The following TRPM7 variants were observed in gnomAD, a reference collection of about 807,000 sequenced individuals.
TRPM7 encodes LTRPC ion channel family member 7.
In TRPM7, 134 loss-of-function variants were observed where a neutral mutation model predicts 229.7. The ratio of observed to expected loss-of-function variants is 0.58; its 90% CI spans 0.51 to 0.67. TRPM7 has a LOEUF of 0.67. TRPM7 is among the 30% of genes least tolerant of loss of function. The probability of loss-of-function intolerance (pLI) is 0.00; values close to 1 mark genes in which losing one functional copy is unlikely to be tolerated. For missense variants in TRPM7, 1,901 were observed against 2,210.0 expected (o/e 0.86, Z 2.80); for synonymous variants, 699 against 715.2 (o/e 0.98, Z 0.36).
At position 50,678,635 on chromosome 15, in the gene TRPM7, G is replaced by C. The variant is rs901681786; in HGVS notation, c.3+7896C>G. Among the ~76,000 whole-genome samples, 3 of 150,420 alleles carry C rather than the reference G, an allele frequency of 2.0e-5. No individual in the cohort carries two copies. In the East Asian group the frequency reaches 5.9e-4, roughly 29 times the overall value. ...CAACTACTCAACTAATTAATAATTA[G>C]ATATTACTGACATTTTAGATACGAA... On this transcript the variant is annotated intron_variant, in intron 1 of 38. Transcript: ENST00000646667.
chr15:50,656,501 T>C (rs1292302515), intron 3 of TRPM7, among the ~76,000 whole-genome samples: 1 of 112,736 alleles, frequency 8.9e-6, no homozygotes, highest in Non-Finnish European at 2.1e-5. Flanking sequence ...GTGGTTTTCT[T>C]TTTTTTTTTT....
chr15:50,611,031 C>T, intron 17 of TRPM7, 62 bp downstream of exon 17: 1 of 1,337,982 alleles, frequency 7.5e-7, no homozygotes, highest in Non-Finnish European at 1.1e-6. Flanking sequence ...CACATTTAGA[C>T]TAATTCTTCT....
At chr15:50,570,178 GAC>G (rs2053805950) in intron 36 of TRPM7, 23 bp from the exon 37 acceptor site, 33 of 1,521,270 alleles carry the variant, frequency 2.2e-5, no homozygotes, top group Non-Finnish European at 3.0e-5. Context: ...ATATAAAAAA[GAC>G]AAATAATTTA....
rs887430334 is a variant in TRPM7 at position 50,604,991 on chromosome 15, T to G, written c.2863A>C (p.Asn955His). 5 of 1,613,818 alleles carry G rather than the reference T, an allele frequency of 3.1e-6. No homozygotes were observed. The East Asian group carries it at 1.1e-4, about 36-fold the overall frequency. Residue 955 changes from asparagine (N) to histidine (H), a missense_variant, in exon 21 of 39, where the codon AAT (asparagine) becomes CAT (histidine). Physicochemically the swap from Asn to His is moderately conservative, Grantham distance 68. Coordinates refer to ENST00000646667, the MANE Select transcript of TRPM7 (RefSeq NM_017672.6). ...AATCTTCCAGCCACAAAAACATGATTATCATATGCATTTGCAAAGTTCCAT... is the reference window on the plus strand; with the variant it reads ...AATCTTCCAGCCACAAAAACATGATGATCATATGCATTTGCAAAGTTCCAT... The part of the protein sequence containing the change: ...AKWNFANAYD[N>H]HVFVAGRLIY...
intron 2 of TRPM7, among the ~76,000 whole-genome samples, chr15:50,658,075 G>A (rs1422517771): frequency 6.7e-6 from 1 of 148,816 alleles, no homozygotes; most frequent in Non-Finnish European, 1.5e-5. Context: ...CGCAATCTCA[G>A]CTCACTGCAA....
rs968355607 is a variant in TRPM7 at position 50,673,514 on chromosome 15, T to C, written c.4-10468A>G. 1.8e-4 allele frequency among the ~76,000 whole-genome samples: 27 copies of C among 152,168 alleles called. 1 individual carries two copies. The highest frequency in any genetic ancestry group is 1.3e-4 in the Admixed American group (2 of 15,262). On this transcript the variant is annotated intron_variant, in intron 1 of 38. Coordinates refer to ENST00000646667, the MANE Select transcript of TRPM7 (RefSeq NM_017672.6). ...CAGCTCCCACTTATGAGTGGGAACA[T>C]ATGATGTTTGGTTTTCCATTCCTGA...
intron 5 of TRPM7, among the ~76,000 whole-genome samples, chr15:50,641,046 T>C (rs1249679167): frequency 1.3e-5 from 2 of 152,232 alleles, no homozygotes; most frequent in Non-Finnish European, 2.9e-5. Flanking sequence ...ATCTCCATAA[T>C]GCATCACATC....
chr15:50,625,034 C>T (rs2060515941), intron 11 of TRPM7, among the ~76,000 whole-genome samples: 1 of 150,512 alleles, frequency 6.6e-6, no homozygotes, highest in South Asian at 2.1e-4. Context: ...TTGTAGCTGT[C>T]CTTTATATAT....
intron 4 of TRPM7, among the ~76,000 whole-genome samples, chr15:50,645,086 G>A (rs1223809311): frequency 1.3e-5 from 2 of 151,930 alleles, no homozygotes; most frequent in Non-Finnish European, 2.9e-5. Context: ...AATATTTTTT[G>A]TAGACACAAG....
rs764743986 is a variant in TRPM7 at position 50,612,727 on chromosome 15, G to C, written c.1873C>G (p.Leu625Val). 2 of 1,614,142 alleles carry C rather than the reference G, an allele frequency of 1.2e-6. No individual in the cohort carries two copies. The highest frequency in any genetic ancestry group is 1.7e-6 in the Non-Finnish European group (2 of 1,180,014). Reference protein sequence around the residue: ...TKRFPYPLNELLIWACLMKRQ... With the variant: ...TKRFPYPLNEVLIWACLMKRQ... Reference sequence around the variant, plus strand: ...TTCATAAGGCAAGCCCAAATTAAAAGTTCATTAAGTGGATAAGGAAAGCGC... The same window carrying C: ...TTCATAAGGCAAGCCCAAATTAAAACTTCATTAAGTGGATAAGGAAAGCGC... The change falls in exon 16 of 39, where the codon CTT (leucine) becomes GTT (valine). Residue 625 changes from leucine to valine, a missense_variant. Transcript: ENST00000646667.
chr15:50,622,058 G>C (rs1040367204), intron 12 of TRPM7, among the ~76,000 whole-genome samples: 3 of 151,848 alleles, frequency 2.0e-5, no homozygotes, highest in African/African-American at 4.8e-5. Context: ...CAAAAAAAAA[G>C]TATCAGGCAG....
At chr15:50,608,930 C>T (rs1054311655) in intron 19 of TRPM7, among the ~76,000 whole-genome samples, 3 of 152,176 alleles carry the variant, frequency 2.0e-5, no homozygotes, top group African/African-American at 4.8e-5. Flanking sequence ...ACTAATATTT[C>T]CTAGTGCTCA....
At chr15:50,666,209 G>A (rs747542961) in intron 1 of TRPM7, among the ~76,000 whole-genome samples, 77 of 152,086 alleles carry the variant, frequency 5.1e-4, no homozygotes, top group Non-Finnish European at 1.2e-4. Context: ...CAAGAAGCCA[G>A]GCAGATCACT....
chr15:50,660,058 C>A (rs2061687203), intron 2 of TRPM7, among the ~76,000 whole-genome samples: 1 of 152,190 alleles, frequency 6.6e-6, no homozygotes, highest in Admixed American at 6.6e-5. Context: ...ACTAAGGAGG[C>A]TTAAATACTA....
intron 10 of TRPM7, among the ~76,000 whole-genome samples, chr15:50,630,697 C>T (rs1038217091): frequency 1.3e-5 from 2 of 152,154 alleles, no homozygotes; most frequent in South Asian, 4.1e-4. Flanking sequence ...TATTTGGAGA[C>T]AGGGTCTTGC....
intron 1 of TRPM7, among the ~76,000 whole-genome samples, chr15:50,678,571 TTA>T (rs1250423201): frequency 6.0e-5 from 9 of 150,288 alleles, no homozygotes; most frequent in African/African-American, 1.9e-4. Context: ...CATAATTTTA[TTA>T]TGTCACAGAG....
intron 26 of TRPM7, among the ~76,000 whole-genome samples, chr15:50,591,486 ATTT>A (rs200361880): frequency 7.0e-6 from 1 of 143,668 alleles, no homozygotes; most frequent in Non-Finnish European, 1.5e-5. Flanking sequence ...CCTACTTCTG[ATTT>A]TTTTTTTTTT....
At chr15:50,651,869 G>A (rs4775897) in intron 3 of TRPM7, among the ~76,000 whole-genome samples, 53,188 of 151,370 alleles carry the variant, frequency 0.35, 10,499 homozygotes, top group Admixed American at 0.48. Context: ...GCCTGGCGAC[G>A]GAGCAAGATT....
intron 29 of TRPM7, 116 bp downstream of exon 29, chr15:50,582,973 A>C (rs968573335): frequency 1.5e-6 from 1 of 676,796 alleles, no homozygotes; most frequent in African/African-American, 1.9e-5. Flanking sequence ...CAGTTTTCTT[A>C]AGAAAAATTT....
Sources: allele counts gnomAD v4.1 joint callset (sites outside exome capture counted in the v4.1 genomes callset), GRCh38; gene constraint gnomAD v4.1.1; transcripts MANE v1.5; gene names NCBI Gene and HGNC (gene_info 2026-07-23, HGNC 2026-07-21).